The following PARD3B variants were observed in gnomAD, a reference collection of about 807,000 sequenced individuals.
The protein encoded by PARD3B is partitioning defective 3 homolog B.
PARD3B carries 103 observed loss-of-function variants against 130.2 expected under a neutral mutation model. The observed-to-expected ratio is 0.79, with a 90% confidence interval of 0.67 to 0.93. The LOEUF (loss-of-function observed/expected upper bound fraction) is 0.93, where lower values mean the gene tolerates loss of function less well. Ranked by LOEUF, PARD3B falls within the 40% of genes least tolerant of loss-of-function variation. PARD3B has a pLI of 0.00. For missense variants in PARD3B, 1,609 were observed against 1,499.2 expected, an observed-to-expected ratio of 1.07 and a Z score of -1.21; for synonymous variants, 583 against 553.2, an observed-to-expected ratio of 1.05 and a Z score of -0.76.
At chr2:205,354,026 C>CTTTTTTTT (rs869308018) in intron 18 of PARD3B, among the ~76,000 whole-genome samples, 19 of 50,350 alleles carry the variant, frequency 3.8e-4, no homozygotes, top group Non-Finnish European at 5.0e-4. Context: ...TTTTCTTTTC[C>CTTTTTTTT]TTTTTTTTTT....
At chr2:204,637,311 A>G (rs1404671064) in intron 1 of PARD3B, among the ~76,000 whole-genome samples, 1 of 152,192 alleles carries the variant, frequency 6.6e-6, no homozygotes, top group African/African-American at 2.4e-5. Context: ...ATAGTTTTCC[A>G]AGAAAGATAC....
chr2:205,354,025 CCTTT>C (rs2044093747), intron 18 of PARD3B, among the ~76,000 whole-genome samples: 1 of 110,388 alleles, frequency 9.1e-6, no homozygotes, highest in Non-Finnish European at 1.8e-5. Context: ...CTTTTCTTTT[CCTTT>C]TTTTTTTTTT....
chr2:204,683,726 A>G (rs1485445269), intron 1 of PARD3B, among the ~76,000 whole-genome samples: 1 of 151,304 alleles, frequency 6.6e-6, no homozygotes, highest in Non-Finnish European at 1.5e-5. Flanking sequence ...TCATTAGCCT[A>G]CTCTTTTCTT....
chr2:204,860,961 A>T (rs1013082311), intron 2 of PARD3B, among the ~76,000 whole-genome samples: 2 of 152,190 alleles, frequency 1.3e-5, no homozygotes, highest in Non-Finnish European at 2.9e-5. Context: ...ACAAAAATGT[A>T]GAGTTTTCCC....
At chr2:204,848,217 C>G (rs1433446380) in intron 2 of PARD3B, among the ~76,000 whole-genome samples, 1 of 152,042 alleles carries the variant, frequency 6.6e-6, no homozygotes, top group East Asian at 1.9e-4. Flanking sequence ...ATATAGGATT[C>G]AGTACTATCT....
At chr2:204,953,383 T>C (rs1475149950) in intron 2 of PARD3B, among the ~76,000 whole-genome samples, 1 of 149,770 alleles carries the variant, frequency 6.7e-6, no homozygotes, top group Non-Finnish European at 1.5e-5. Flanking sequence ...GTGTTATGCA[T>C]TGTGAATTGA....
intron 3 of PARD3B, among the ~76,000 whole-genome samples, chr2:205,028,909 T>C (rs116579929): frequency 0.017 from 2,627 of 152,270 alleles, 68 homozygotes; most frequent in African/African-American, 0.059. Flanking sequence ...AAAGGAAGTT[T>C]AGAAAACAAT....
intron 1 of PARD3B, among the ~76,000 whole-genome samples, chr2:204,682,722 C>T (rs565500636): frequency 6.6e-6 from 1 of 152,156 alleles, no homozygotes; most frequent in Non-Finnish European, 1.5e-5. Flanking sequence ...GTTTTTTCTT[C>T]TTGGACTACA....
Position 205,584,603 on chromosome 2 carries a change from G to A in PARD3B, c.3261-30853G>A, listed in dbSNP as rs536897479. Among the ~76,000 whole-genome samples, 367 of 152,144 alleles carry A rather than the reference G, an allele frequency of 2.4e-3. 1 individual carries two copies. The highest frequency in any genetic ancestry group is 4.2e-3 in the Non-Finnish European group (285 of 67,986). On this transcript the variant is annotated intron_variant, in intron 22 of 22. Coordinates refer to ENST00000406610, the MANE Select transcript of PARD3B (RefSeq NM_001302769.2). This position sits in a 1 kb window ranked among gnomAD's most constrained non-coding sequence, Gnocchi z 5.5. ...TGAGGCAGGAGAATCGCTTGAACCC[G>A]GGAGGCAGAGGTTGCAGTGAGCCAA...
At chr2:204,885,370 A>G (rs1418327945) in intron 2 of PARD3B, among the ~76,000 whole-genome samples, 1 of 152,188 alleles carries the variant, frequency 6.6e-6, no homozygotes, top group Non-Finnish European at 1.5e-5. Flanking sequence ...GACTCTGGAT[A>G]TGAGATCTTT....
chr2:204,672,164 A>G lies in PARD3B; in HGVS notation c.121-14017A>G, dbSNP rs190298370. Among the ~76,000 whole-genome samples the G allele has an allele frequency of 3.5e-3, 528 of 152,308 alleles. 3 individuals are homozygous for G. The highest frequency in any genetic ancestry group is 0.012 in the African/African-American group (498 of 41,558). On this transcript the variant is annotated intron_variant, in intron 1 of 22. Coordinates refer to ENST00000406610, the MANE Select transcript of PARD3B (RefSeq NM_001302769.2). ...TGTCTTCATCTACCTTCTCATTCGCATTCCTGAAGTAGATAAGGTGTTACA... is the reference window on the plus strand; with the variant it reads ...TGTCTTCATCTACCTTCTCATTCGCGTTCCTGAAGTAGATAAGGTGTTACA...
intron 15 of PARD3B, among the ~76,000 whole-genome samples, chr2:205,203,677 C>T (rs1252681017): frequency 6.6e-6 from 1 of 152,134 alleles, no homozygotes; most frequent in Non-Finnish European, 1.5e-5. Flanking sequence ...TGTTCAACTG[C>T]CACTTATGAG....
intron 2 of PARD3B, among the ~76,000 whole-genome samples, chr2:204,747,535 C>G (rs1158574175): frequency 7.2e-5 from 11 of 152,048 alleles, no homozygotes; most frequent in Non-Finnish European, 1.5e-5. Context: ...CAATGCCATC[C>G]CCATCAAGCT....
At chr2:205,178,598 T>C (rs1003148075) in intron 13 of PARD3B, among the ~76,000 whole-genome samples, 1 of 152,262 alleles carries the variant, frequency 6.6e-6, no homozygotes, top group African/African-American at 2.4e-5. Flanking sequence ...ATCACGAATG[T>C]GGACATTTGT....
intron 20 of PARD3B, among the ~76,000 whole-genome samples, chr2:205,476,178 C>T (rs76813898): frequency 0.019 from 2,848 of 152,256 alleles, 33 homozygotes; most frequent in Non-Finnish European, 0.033. Context: ...GTGGAAAGAA[C>T]AGTCGTCAAT....
chr2:205,334,359 A>G (rs1489617303), intron 18 of PARD3B, among the ~76,000 whole-genome samples: 1 of 152,220 alleles, frequency 6.6e-6, no homozygotes, highest in Non-Finnish European at 1.5e-5. Flanking sequence ...TGGCCATTTG[A>G]ACAACCCATC....
intron 10 of PARD3B, among the ~76,000 whole-genome samples, chr2:205,145,038 A>G (rs952129455): frequency 3.9e-5 from 6 of 152,204 alleles, no homozygotes; most frequent in South Asian, 2.1e-4. Flanking sequence ...AAATACATTC[A>G]CTGGGTCCTC....
At chr2:204,834,732 A>C (rs1365302615) in intron 2 of PARD3B, among the ~76,000 whole-genome samples, 1 of 152,174 alleles carries the variant, frequency 6.6e-6, no homozygotes, top group East Asian at 1.9e-4. Flanking sequence ...GCAAAGGGAG[A>C]GGAAATTTCT....
chr2:204,947,873 C>G (rs1456560535), intron 2 of PARD3B, among the ~76,000 whole-genome samples: 1 of 152,104 alleles, frequency 6.6e-6, no homozygotes, highest in East Asian at 1.9e-4. Flanking sequence ...CTATTGTTTG[C>G]AAAATTCAAG....
Sources: allele counts gnomAD v4.1 joint callset (sites outside exome capture counted in the v4.1 genomes callset), GRCh38; gene constraint gnomAD v4.1.1; non-coding constraint Gnocchi (gnomAD v3.1); transcripts MANE v1.5; gene names NCBI Gene and HGNC (gene_info 2026-07-23, HGNC 2026-07-21).